Variants in SLC38A1 observed in about 807,000 individuals in gnomAD.
The protein encoded by SLC38A1 is sodium-coupled neutral amino acid symporter 1.
Under a neutral mutation model 60.3 loss-of-function variants are expected in SLC38A1, and 18 were observed. The observed-to-expected ratio is 0.30, with a 90% CI of 0.21 to 0.44. SLC38A1 has a LOEUF of 0.44. SLC38A1 is among the 20% of genes least tolerant of loss of function. SLC38A1 has a pLI of 1.00. For missense variants in SLC38A1, 448 were observed against 587.2 expected (o/e 0.76, Z 2.45); for synonymous variants, 196 against 212.1 (o/e 0.92, Z 0.66).
intron 3 of SLC38A1, among the ~76,000 whole-genome samples, chr12:46,234,602 C>T (rs11831535): frequency 0.044 from 6,714 of 152,078 alleles, 382 homozygotes; most frequent in East Asian, 0.25. Flanking sequence ...CGCCCGCCAC[C>T]GTACCCGGCT....
intron 2 of SLC38A1, among the ~76,000 whole-genome samples, chr12:46,242,992 T>C (rs988491457): frequency 6.6e-6 from 1 of 152,052 alleles, no homozygotes; most frequent in Admixed American, 6.6e-5. Context: ...TTAGATTGTT[T>C]TTAGCCTACT....
At chr12:46,251,871 T>G (rs1187257672) in intron 1 of SLC38A1, among the ~76,000 whole-genome samples, 1 of 152,076 alleles carries the variant, frequency 6.6e-6, no homozygotes, top group African/African-American at 2.4e-5. Context: ...GAAATAGGAA[T>G]GCTTTTACAC....
chr12:46,265,911 A>C lies in SLC38A1; in HGVS notation c.-209+2615T>G, dbSNP rs527881222. The stretch of plus-strand genomic sequence containing the variant: ...ATCTGTTTCATATGTCTCCAAGTCT[A>C]GGTAAGGTGACAGGGACCTGAACTT... On this transcript the variant is annotated intron_variant, in intron 1 of 16. Transcript: ENST00000398637. Among the ~76,000 whole-genome samples the C allele has an allele frequency of 3.0e-4, 45 of 152,298 alleles. No individual in the cohort carries two copies. In the South Asian group the frequency reaches 8.9e-3, roughly 30 times the overall value.
chr12:46,204,689 C>T (rs776501552), intron 9 of SLC38A1, 99 bp from the exon 10 acceptor site: 10 of 824,816 alleles, frequency 1.2e-5, no homozygotes, highest in South Asian at 1.8e-5. Flanking sequence ...AAATTCATCA[C>T]CTCACTTATT....
At chr12:46,189,800 C>T (rs1332666716) in intron 16 of SLC38A1, among the ~76,000 whole-genome samples, 1 of 152,166 alleles carries the variant, frequency 6.6e-6, no homozygotes, top group East Asian at 1.9e-4. Flanking sequence ...TTACCCTGCA[C>T]ATGCGCTCTG....
intron 16 of SLC38A1, among the ~76,000 whole-genome samples, chr12:46,192,457 A>G (rs1939185456): frequency 6.6e-6 from 1 of 152,202 alleles, no homozygotes; most frequent in South Asian, 2.1e-4. Flanking sequence ...AAAATGAGTT[A>G]GGGAGGATTC....
At chr12:46,201,240 G>T in intron 12 of SLC38A1, 42 bp from the exon 13 acceptor site, 1 of 1,479,752 alleles carries the variant, frequency 6.8e-7, no homozygotes, top group Non-Finnish European at 9.4e-7. Flanking sequence ...TCATATGACT[G>T]AATTTAAGCA....
At chr12:46,242,104 G>A (rs1481357639) in intron 2 of SLC38A1, among the ~76,000 whole-genome samples, 2 of 152,018 alleles carry the variant, frequency 1.3e-5, no homozygotes, top group Non-Finnish European at 2.9e-5. Context: ...GTAAGAAACA[G>A]AGAAGAAGGC....
At chr12:46,202,706 C>A (rs1754369450) in intron 12 of SLC38A1, among the ~76,000 whole-genome samples, 1 of 152,162 alleles carries the variant, frequency 6.6e-6, no homozygotes, top group Non-Finnish European at 1.5e-5. Context: ...GAAAGCAACA[C>A]AAATACTTAA....
chr12:46,244,517 C>A (rs1941550458), intron 1 of SLC38A1, among the ~76,000 whole-genome samples: 1 of 152,254 alleles, frequency 6.6e-6, no homozygotes, highest in African/African-American at 2.4e-5. Context: ...AGCAAGGCAT[C>A]CACTTTACTG....
At position 46,255,745 on chromosome 12, in the gene SLC38A1, A is replaced by T. The variant is rs12303214; in HGVS notation, c.-208-12431T>A. ...AGGTGTGCAGCCTAGGATAGCACACAGAAGTGCAGATAAGGACTGACTTTT... is the reference window on the plus strand; with the variant it reads ...AGGTGTGCAGCCTAGGATAGCACACTGAAGTGCAGATAAGGACTGACTTTT... On this transcript the variant is annotated intron_variant, in intron 1 of 16. Coordinates refer to ENST00000398637, the MANE Select transcript of SLC38A1 (RefSeq NM_030674.4). Among the ~76,000 whole-genome samples the T allele has an allele frequency of 3.9e-5, 6 of 152,046 alleles. No homozygotes were observed. In the East Asian group the frequency reaches 1.2e-3, roughly 29 times the overall value.
intron 1 of SLC38A1, among the ~76,000 whole-genome samples, chr12:46,253,758 T>A (rs1026618477): frequency 6.8e-6 from 1 of 147,808 alleles, no homozygotes; most frequent in Non-Finnish European, 1.5e-5. Context: ...CCTCTGACAT[T>A]TCCCCCCTCC....
intron 16 of SLC38A1, among the ~76,000 whole-genome samples, chr12:46,191,639 G>A (rs1939150007): frequency 1.3e-5 from 2 of 152,132 alleles, no homozygotes; most frequent in Admixed American, 6.5e-5. Context: ...TCCTTGAAGA[G>A]GTCCTTCACA....
chr12:46,258,431 C>T lies in SLC38A1; in HGVS notation c.-209+10095G>A, dbSNP rs186966573. Among the ~76,000 whole-genome samples, 4 of 152,248 alleles carry T rather than the reference C, an allele frequency of 2.6e-5. No homozygotes were observed. The East Asian group carries it at 7.7e-4, about 29-fold the overall frequency. ...ATATCCTGGGGACGAGACCCAAGTG[C>T]AAACTTGAAATTCATTTGTTTCATA... On this transcript the variant is annotated intron_variant, in intron 1 of 16. Coordinates refer to ENST00000398637, the MANE Select transcript of SLC38A1 (RefSeq NM_030674.4).
intron 1 of SLC38A1, among the ~76,000 whole-genome samples, chr12:46,263,769 C>T (rs1417253330): frequency 3.9e-5 from 6 of 152,144 alleles, no homozygotes; most frequent in East Asian, 1.9e-4. Context: ...ACTGGACAGG[C>T]GTCTATGCCT....
intron 3 of SLC38A1, among the ~76,000 whole-genome samples, chr12:46,230,140 G>A (rs994694251): frequency 3.3e-5 from 5 of 152,302 alleles, no homozygotes; most frequent in Admixed American, 3.3e-4. Context: ...TTTGAGCTCA[G>A]GTTCTTGGAC....
At chr12:46,244,384 C>T (rs1941546339) in intron 1 of SLC38A1, among the ~76,000 whole-genome samples, 1 of 152,170 alleles carries the variant, frequency 6.6e-6, no homozygotes, top group African/African-American at 2.4e-5. Flanking sequence ...TATTTGTTCC[C>T]ACCTCTTTTC....
rs752829332 is a variant in SLC38A1, at chr12:46,204,292, G to A, written c.822+9C>T. ...GCTTGTTTCATCTGCAAAGGATCAG[G>A]AAACTTACCTTTGAATTGAAGGTAA... On this transcript the variant is annotated intron_variant, in intron 11 of 16. Coordinates refer to ENST00000398637, the MANE Select transcript of SLC38A1 (RefSeq NM_030674.4). The A allele has an allele frequency of 9.1e-6, 14 of 1,536,662 alleles. No homozygotes were observed. The Admixed American group carries it at 2.0e-4, about 22-fold the overall frequency.
chr12:46,211,893 T>C (rs1451206788), intron 5 of SLC38A1, among the ~76,000 whole-genome samples: 1 of 151,976 alleles, frequency 6.6e-6, no homozygotes, highest in African/African-American at 2.4e-5. Context: ...AGACTGAAAA[T>C]TAATATAAAG....
Sources: allele counts gnomAD v4.1 joint callset (sites outside exome capture counted in the v4.1 genomes callset), GRCh38; gene constraint gnomAD v4.1.1; transcripts MANE v1.5; gene names NCBI Gene and HGNC (gene_info 2026-07-23, HGNC 2026-07-21).